CD40: variants seen among roughly 807,000 people sequenced by gnomAD.
CD40 encodes the protein tumor necrosis factor receptor superfamily member 5.
Under a neutral mutation model 38.5 loss-of-function variants are expected in CD40, and 19 were observed. The ratio of observed to expected loss-of-function variants is 0.49; its 90% CI spans 0.34 to 0.72. The LOEUF (loss-of-function observed/expected upper bound fraction) is 0.72, where lower values mean the gene tolerates loss of function less well. Among genes scored for constraint, CD40 ranks in the 30% least tolerant of loss-of-function variants. The pLI is 0.01. For missense variants in CD40, 256 were observed against 344.1 expected (o/e 0.74, Z 2.03); for synonymous variants, 130 against 128.7 (o/e 1.01, Z -0.07).
In CD40 at chr20:46,122,924, T is replaced by C; in HGVS notation, c.403+168T>C. ...GCTGCAGACGGGACCTTGTTCATTC[T>C]GCCTTCTGCCATGGGGATCTGCCTT... is the stretch of plus-strand genomic sequence containing the variant. On this transcript the variant is annotated intron_variant, in intron 4 of 8. Transcript: ENST00000372285. This position sits in a 1 kb window ranked among gnomAD's most constrained non-coding sequence, Gnocchi z 5.0. The C allele has an allele frequency of 1.0e-6, 1 of 956,912 alleles. No homozygotes were observed. The highest frequency in any genetic ancestry group is 1.5e-5 in the South Asian group (1 of 65,498). The allele number at this position is 956,912 out of a possible 1,614,324, so 59.3% of individuals were successfully genotyped here.
In CD40 at chr20:46,122,258, A is replaced by G. The variant is rs767422189; in HGVS notation, c.156A>G (p.Thr52=). ...QPGQKLVSDC[T]EFTETECLPC... ...GACAGAAACTGGTGAGTGACTGCAC[A>G]GAGTTCACTGAAACGGAATGCCTTC... The change falls in exon 3 of 9, where the codon ACA becomes ACG. Residue 52 remains threonine, a synonymous_variant. Coordinates refer to ENST00000372285, the MANE Select transcript of CD40 (RefSeq NM_001250.6). This position sits in a 1 kb window ranked among gnomAD's most constrained non-coding sequence, Gnocchi z 5.0. 5.0e-6 allele frequency: 8 copies of G among 1,614,076 alleles called. No individual in the cohort carries two copies. The South Asian group carries it at 7.7e-5, about 16-fold the overall frequency.
At chr20:46,128,402 G>GGAA (rs1270421546) in intron 8 of CD40, 44 bp downstream of exon 8, 1 of 1,606,160 alleles carries the variant, frequency 6.2e-7, no homozygotes, top group Non-Finnish European at 8.5e-7. Context: ...TGACAAACTG[G>GGAA]GAAGATGGCC....
chr20:46,128,992 C>T lies in CD40; in HGVS notation c.786C>T (p.Thr262=), dbSNP rs1416495054. ...QETLHGCQPV[T]QEDGKESRIS... is the part of the protein sequence containing the mutation. Reference sequence around the variant, plus strand: ...CTTTACATGGATGCCAACCGGTCACCCAGGAGGATGGCAAAGAGAGTCGCA... The same window carrying T: ...CTTTACATGGATGCCAACCGGTCACTCAGGAGGATGGCAAAGAGAGTCGCA... The change falls in exon 9 of 9, where the codon ACC becomes ACT. Residue 262 remains threonine (T), a synonymous_variant. Coordinates refer to ENST00000372285, the MANE Select transcript of CD40 (RefSeq NM_001250.6). 39 of 1,614,058 alleles carry T rather than the reference C, an allele frequency of 2.4e-5. No homozygotes were observed. Among genetic ancestry groups the T allele is most frequent in the African/African-American group, 4.0e-5 (3 of 74,910 alleles).
In CD40 at chr20:46,128,475, C is replaced by T. The variant is rs11569340; in HGVS notation, c.675+117C>T. On this transcript the variant is annotated intron_variant, in intron 8 of 8. Transcript: ENST00000372285. ...TCTGTCTCTGCAGCCAGTGGGGTGG[C>T]AGCAGAATTGGGGACTGTCATCCCC... 1,017 of 1,168,616 alleles carry T rather than the reference C, an allele frequency of 8.7e-4. 4 individuals are homozygous for T. In the African/African-American group the frequency reaches 0.014, roughly 16 times the overall value. The allele number at this position is 1,168,616 out of a possible 1,614,324, so 72.4% of individuals were successfully genotyped here. A position where few individuals can be genotyped will look rare whatever the true frequency, so the allele number is the denominator to read the frequency against.
chr20:46,121,687 A>C (rs1293588616), intron 1 of CD40, 133 bp from the exon 2 acceptor site: 1 of 776,932 alleles, frequency 1.3e-6, no homozygotes. Context: ...GCCAAATATC[A>C]TGCAGGTTCC....
chr20:46,128,974 T>G lies in CD40; in HGVS notation c.768T>G (p.His256Gln). 1 of 1,614,188 alleles carries G rather than the reference T, an allele frequency of 6.2e-7. No homozygotes were observed. Among genetic ancestry groups the G allele is most frequent in the Non-Finnish European group, 8.5e-7 (1 of 1,180,024 alleles). The change falls in exon 9 of 9, where the codon CAT (histidine) becomes CAG (glutamine). Residue 256 changes from histidine (H) to glutamine (Q), a missense_variant. His to Gln is a conservative substitution (Grantham distance 24). Transcript: ENST00000372285. ...NTAAPVQETL[H>Q]GCQPVTQEDG... ...CTGCTCCAGTGCAGGAGACTTTACA[T>G]GGATGCCAACCGGTCACCCAGGAGG...
Position 46,128,874 on chromosome 20 carries a change from C to A in CD40, c.676-8C>A, listed in dbSNP as rs768693652. 6.2e-7 allele frequency: 1 copy of A among 1,613,990 alleles called. No individual in the cohort carries two copies. The highest frequency in any genetic ancestry group is 1.1e-5 in the South Asian group (1 of 91,078). On this transcript the variant is annotated splice_region_variant and splice_polypyrimidine_tract_variant and intron_variant, in intron 8 of 8. Transcript: ENST00000372285. ...TGCTGGGGGTGACCTCACACCTTGC[C>A]TCTCCAGGCCCCCCACCCCAAGCAG...
At chr20:46,118,593 G>A (rs1273585577) in intron 1 of CD40, among the ~76,000 whole-genome samples, 199 bp downstream of exon 1, 1 of 152,188 alleles carries the variant, frequency 6.6e-6, no homozygotes, top group Non-Finnish European at 1.5e-5. Context: ...GGTCCCGGGA[G>A]CGGCCTACAG....
At position 46,123,221 on chromosome 20, in the gene CD40, T is replaced by G; in HGVS notation, c.497+2T>G. The G allele has an allele frequency of 6.2e-7, 1 of 1,607,988 alleles. No individual in the cohort carries two copies. The highest frequency in any genetic ancestry group is 8.5e-7 in the Non-Finnish European group (1 of 1,174,390). On this transcript the variant is annotated splice_donor_variant, in intron 5 of 8. Transcript: ENST00000372285. LOFTEE classifies it high-confidence loss of function. ...CGAAAAATGTCACCCTTGGACAAGG[T>G]ATAAGCACTCATCCCTTGTGTTTCC...
chr20:46,128,734 GGGCAGGA>G, intron 8 of CD40, 141 bp from the exon 9 acceptor site: 1 of 807,190 alleles, frequency 1.2e-6, no homozygotes, highest in Non-Finnish European at 2.0e-6. Flanking sequence ...GGCCAGCAGG[GGGCAGGA>G]GGCACCCGAG....
At chr20:46,124,025 G>A (rs868549021) in intron 5 of CD40, among the ~76,000 whole-genome samples, 9 of 152,184 alleles carry the variant, frequency 5.9e-5, no homozygotes, top group Middle Eastern at 3.2e-3. Context: ...CAGGCCAGGC[G>A]CGGTGGCTCT....
chr20:46,118,685 A>C (rs1053874883), intron 1 of CD40, among the ~76,000 whole-genome samples: 5 of 152,182 alleles, frequency 3.3e-5, no homozygotes, highest in Non-Finnish European at 7.4e-5. Flanking sequence ...GGCTGGCCAC[A>C]CAGAGACTGG....
At chr20:46,125,546 CAAAAAAAAAA>C (rs60475326) in intron 5 of CD40, among the ~76,000 whole-genome samples, 2 of 69,424 alleles carry the variant, frequency 2.9e-5, no homozygotes, top group Non-Finnish European at 5.2e-5. Flanking sequence ...GACTCTGTCT[CAAAAAAAAAA>C]AAAAAAAAAA....
At chr20:46,123,628 C>T (rs949152122) in intron 5 of CD40, among the ~76,000 whole-genome samples, 1 of 152,160 alleles carries the variant, frequency 6.6e-6, no homozygotes. Context: ...ACACCAGGTC[C>T]TGCCACTGGC....
chr20:46,124,955 G>A (rs1485216311), intron 5 of CD40, among the ~76,000 whole-genome samples: 1 of 151,442 alleles, frequency 6.6e-6, no homozygotes, highest in Non-Finnish European at 1.5e-5. Flanking sequence ...TTTTAGTAGA[G>A]ACGGCGTTTC....
intron 6 of CD40, chr20:46,127,062 C>T: frequency 5.6e-6 from 2 of 354,516 alleles, no homozygotes; most frequent in Non-Finnish European, 5.5e-6. Context: ...TGCAGCACAC[C>T]AACATGGTAC....
chr20:46,128,519 A>T lies in CD40; in HGVS notation c.675+161A>T, dbSNP rs75892394. The T allele has an allele frequency of 4.8e-4, 390 of 808,474 alleles. 2 individuals carry two copies. The East Asian group carries it at 0.01, about 21-fold the overall frequency. 50.1% of individuals were successfully genotyped at this position (808,474 alleles called of 1,614,324 possible). On this transcript the variant is annotated intron_variant, in intron 8 of 8. Coordinates refer to ENST00000372285, the MANE Select transcript of CD40 (RefSeq NM_001250.6). ...CATCCCCACCCACCATGCTCCTTCC[A>T]TCCAGAGCTCAATCCCCCACAGAAC... is the stretch of plus-strand genomic sequence containing the variant.
At chr20:46,121,649 A>G in intron 1 of CD40, 171 bp from the exon 2 acceptor site, 1 of 700,674 alleles carries the variant, frequency 1.4e-6, no homozygotes, top group Non-Finnish European at 2.6e-6. Flanking sequence ...TAATCAGCTC[A>G]GTTGACAATT....
At chr20:46,119,159 CG>C (rs2085270210) in intron 1 of CD40, among the ~76,000 whole-genome samples, 1 of 152,148 alleles carries the variant, frequency 6.6e-6, no homozygotes, top group Non-Finnish European at 1.5e-5. Flanking sequence ...AGCATATCTC[CG>C]GGATTTTCAG....
Sources: gnomAD v4.1 joint callset for allele counts (sites outside exome capture counted in the v4.1 genomes callset) on GRCh38, gnomAD v4.1.1 for gene constraint, Gnocchi (gnomAD v3.1) non-coding constraint, MANE v1.5 for transcripts, NCBI Gene and HGNC (gene_info 2026-07-23, HGNC 2026-07-21) for gene names.